Variants in EFCAB7 observed in about 807,000 individuals in gnomAD.
EFCAB7 encodes the protein EF-hand calcium binding domain 7.
EFCAB7 carries 66 observed loss-of-function variants against 77.1 expected under a neutral mutation model. The observed-to-expected ratio is 0.86, with a 90% CI of 0.70 to 1.05. The LOEUF is 1.05. Ranked by LOEUF, EFCAB7 falls within the 50% of genes least tolerant of loss-of-function variation. EFCAB7 has a pLI of 0.00. For missense variants in EFCAB7, 638 were observed against 730.5 expected (o/e 0.87, Z 1.46); for synonymous variants, 225 against 243.3 (o/e 0.92, Z 0.70).
intron 13 of EFCAB7, among the ~76,000 whole-genome samples, chr1:63,571,709 G>C (rs1647265960): frequency 6.9e-6 from 1 of 144,202 alleles, no homozygotes; most frequent in African/African-American, 2.5e-5. Context: ...AATATCACTA[G>C]TTTTATGTAC....
At chr1:63,581,976 A>G in the EFCAB7 span, among the ~76,000 whole-genome samples, 3 of 152,250 alleles carry the variant, frequency 2.0e-5, no homozygotes, top group African/African-American at 7.2e-5. Context: ...GTATTAAATC[A>G]TAACTGTATA....
the EFCAB7 span, among the ~76,000 whole-genome samples, chr1:63,577,933 T>C: frequency 6.6e-6 from 1 of 152,186 alleles, no homozygotes; most frequent in Non-Finnish European, 1.5e-5. Context: ...TTGATTTGTT[T>C]TTACTCATGT....
intron 6 of EFCAB7, among the ~76,000 whole-genome samples, chr1:63,541,658 G>A (rs1197046591): frequency 6.6e-6 from 1 of 151,784 alleles, no homozygotes; most frequent in Non-Finnish European, 1.5e-5. Flanking sequence ...TCCGCCTCCC[G>A]GTTTCAAGGA....
rs185968752 is a variant in EFCAB7, at chr1:63,527,609, T to A, written c.187+1850T>A. On this transcript the variant is annotated intron_variant, in intron 2 of 13. Coordinates refer to ENST00000371088, the MANE Select transcript of EFCAB7 (RefSeq NM_032437.4). ...GTGTCAAAATTTAAATATCTACAGC[T>A]ACGTGATATTTTTACTATCATCAAA... Among the ~76,000 whole-genome samples the A allele has an allele frequency of 4.7e-4, 71 of 152,324 alleles. 1 individual carries two copies. The highest frequency in any genetic ancestry group is 1.6e-3 in the African/African-American group (67 of 41,588).
At chr1:63,560,198 C>T (rs1306567604) in intron 10 of EFCAB7, among the ~76,000 whole-genome samples, 7 of 152,024 alleles carry the variant, frequency 4.6e-5, no homozygotes, top group South Asian at 2.1e-4. Context: ...ATGATCTGCC[C>T]GCCTCAGCCT....
intron 7 of EFCAB7, chr1:63,547,267 A>G (rs921226913): frequency 6.6e-6 from 1 of 152,208 alleles, no homozygotes; most frequent in Non-Finnish European, 1.5e-5. Context: ...TCAAATAGTT[A>G]TCGAGGGCCT....
intron 11 of EFCAB7, among the ~76,000 whole-genome samples, chr1:63,565,452 T>C (rs1184380344): frequency 6.6e-6 from 1 of 151,480 alleles, no homozygotes; most frequent in African/African-American, 2.4e-5. Context: ...ACCTAGGCAA[T>C]ACCATTCAAG....
chr1:63,584,708 T>C, the EFCAB7 span, among the ~76,000 whole-genome samples: 1 of 152,242 alleles, frequency 6.6e-6, no homozygotes, highest in Non-Finnish European at 1.5e-5. Flanking sequence ...TGATCCACTT[T>C]CACTTAATGA....
chr1:63,582,109 G>C, the EFCAB7 span, among the ~76,000 whole-genome samples: 1 of 152,210 alleles, frequency 6.6e-6, no homozygotes, highest in African/African-American at 2.4e-5. Flanking sequence ...ATGCTAAACT[G>C]TGAGAGCAGC....
chr1:63,562,973 T>G (rs1647127191), intron 11 of EFCAB7, among the ~76,000 whole-genome samples: 1 of 152,118 alleles, frequency 6.6e-6, no homozygotes, highest in Admixed American at 6.6e-5. Context: ...TGGTGAGAGG[T>G]TCTCTATTCT....
the EFCAB7 span, among the ~76,000 whole-genome samples, chr1:63,581,468 G>A: frequency 2.0e-5 from 3 of 150,576 alleles, 1 homozygote; most frequent in South Asian, 6.3e-4. Flanking sequence ...TGTATGGTTG[G>A]GTTTTCTTCT....
chr1:63,573,453 TAG>T (rs1259617078), downstream of EFCAB7, among the ~76,000 whole-genome samples: 1 of 152,026 alleles, frequency 6.6e-6, no homozygotes, highest in East Asian at 1.9e-4. Context: ...GACATCCAAT[TAG>T]AGAGTGCCCA....
rs750286822 is a variant in EFCAB7 at position 63,534,046 on chromosome 1, A to G, written c.683-49A>G. The stretch of plus-strand genomic sequence containing the variant: ...TGCACTGTGTTTGGAAAAAACTCCT[A>G]TTGACAACTTTTCATAATGTCAGAC... On this transcript the variant is annotated intron_variant, in intron 5 of 13. Transcript: ENST00000371088. 8 of 1,607,036 alleles carry G rather than the reference A, an allele frequency of 5.0e-6. 1 individual carries two copies. Among genetic ancestry groups the G allele is most frequent in the South Asian group, 3.3e-5 (3 of 90,046 alleles).
intron 11 of EFCAB7, among the ~76,000 whole-genome samples, chr1:63,562,471 A>T (rs1272051627): frequency 1.2e-5 from 1 of 80,570 alleles, no homozygotes; most frequent in East Asian, 3.6e-4. Flanking sequence ...ATATATATAT[A>T]TATATATATA....
At chr1:63,565,064 G>A (rs922432261) in intron 11 of EFCAB7, among the ~76,000 whole-genome samples, 2 of 152,110 alleles carry the variant, frequency 1.3e-5, no homozygotes, top group African/African-American at 4.8e-5. Context: ...AAATTAACTA[G>A]GGCTGGGTGT....
intron 2 of EFCAB7, chr1:63,530,020 C>G (rs1017256849): frequency 4.6e-5 from 7 of 152,170 alleles, no homozygotes; most frequent in African/African-American, 1.7e-4. Flanking sequence ...ACCCAAATTA[C>G]AGGTGTGAGC....
intron 10 of EFCAB7, 66 bp from the exon 11 acceptor site, chr1:63,561,641 CAT>C: frequency 1.0e-6 from 1 of 1,003,214 alleles, no homozygotes. Context: ...AATAATATAT[CAT>C]AGACATTTTA....
intron 7 of EFCAB7, chr1:63,547,876 G>A (rs906872936): frequency 1.3e-5 from 2 of 152,212 alleles, no homozygotes; most frequent in South Asian, 2.1e-4. Context: ...GATCTCCTGA[G>A]GTTTGGGCTC....
intron 6 of EFCAB7, among the ~76,000 whole-genome samples, chr1:63,543,688 T>TAA (rs1264092750): frequency 6.6e-6 from 1 of 152,216 alleles, no homozygotes; most frequent in African/African-American, 2.4e-5. Context: ...AGTGATATAA[T>TAA]AAATCTTTCT....
Sources: gnomAD v4.1 joint callset for allele counts (sites outside exome capture counted in the v4.1 genomes callset) on GRCh38, gnomAD v4.1.1 for gene constraint, MANE v1.5 for transcripts, NCBI Gene and HGNC (gene_info 2026-07-23, HGNC 2026-07-21) for gene names.